The following CTNNA3 variants were observed in gnomAD, a reference collection of about 807,000 sequenced individuals.
The protein encoded by CTNNA3 is catenin alpha 3.
A neutral mutation model predicts 95.7 loss-of-function variants in CTNNA3; 76 were observed. The observed-to-expected ratio is 0.79, with a 90% CI of 0.66 to 0.96. The LOEUF (loss-of-function observed/expected upper bound fraction) is 0.96. Among genes scored for constraint, CTNNA3 ranks in the 40% least tolerant of loss-of-function variants. The pLI is 0.00. For missense variants in CTNNA3, 1,191 were observed against 1,089.8 expected (o/e 1.09, Z -1.31); for synonymous variants, 431 against 374.4 (o/e 1.15, Z -1.74).
At chr10:67,128,113 C>T (rs1353318221) in intron 7 of CTNNA3, among the ~76,000 whole-genome samples, 1 of 152,052 alleles carries the variant, frequency 6.6e-6, no homozygotes, top group Non-Finnish European at 1.5e-5. Context: ...TTATAAAATT[C>T]ACATTTAACC....
intron 5 of CTNNA3, among the ~76,000 whole-genome samples, chr10:67,225,455 C>G (rs906749040): frequency 2.0e-5 from 3 of 152,166 alleles, no homozygotes; most frequent in East Asian, 1.9e-4. Flanking sequence ...AGCTAAGAAC[C>G]CTCACGGAGT....
At chr10:65,955,133 T>G (rs548223352) in intron 17 of CTNNA3, among the ~76,000 whole-genome samples, 1 of 152,352 alleles carries the variant, frequency 6.6e-6, no homozygotes, top group East Asian at 1.9e-4. Context: ...CTAGGTATTT[T>G]ATTCTCTTTG....
chr10:66,195,786 T>A (rs556566626), intron 13 of CTNNA3, among the ~76,000 whole-genome samples: 136 of 152,342 alleles, frequency 8.9e-4, no homozygotes, highest in African/African-American at 3.1e-3. Flanking sequence ...GGGCACAAGT[T>A]CTATTTTTAT....
chr10:66,734,289 G>A (rs1206461983), intron 9 of CTNNA3, among the ~76,000 whole-genome samples: 2 of 151,504 alleles, frequency 1.3e-5, no homozygotes, highest in Non-Finnish European at 2.9e-5. Context: ...CTTTTAAGTT[G>A]TTTTTCTTCT....
chr10:66,504,053 T>A (rs1840367768), intron 11 of CTNNA3, among the ~76,000 whole-genome samples: 2 of 152,188 alleles, frequency 1.3e-5, no homozygotes, highest in African/African-American at 4.8e-5. Flanking sequence ...ATCATTTTTT[T>A]ATAGTGAGAA....
intron 5 of CTNNA3, among the ~76,000 whole-genome samples, chr10:67,329,202 G>A (rs894206650): frequency 6.6e-5 from 10 of 152,090 alleles, no homozygotes; most frequent in Non-Finnish European, 1.5e-4. Context: ...GAAAACCCAT[G>A]TGTACTAAAA....
chr10:65,944,808 A>G (rs1027522877), intron 17 of CTNNA3, among the ~76,000 whole-genome samples: 1 of 152,098 alleles, frequency 6.6e-6, no homozygotes, highest in Admixed American at 6.6e-5. Context: ...CACAAAAGAG[A>G]CCAAATAATG....
intron 9 of CTNNA3, among the ~76,000 whole-genome samples, chr10:66,709,697 A>T (rs375795867): frequency 1.3e-5 from 2 of 152,152 alleles, no homozygotes; most frequent in East Asian, 1.9e-4. Flanking sequence ...AAATGAGATC[A>T]ACTAGTATAT....
intron 12 of CTNNA3, among the ~76,000 whole-genome samples, chr10:66,281,295 T>C (rs1208175373): frequency 6.6e-6 from 1 of 151,966 alleles, no homozygotes; most frequent in Non-Finnish European, 1.5e-5. Context: ...GGCTTCAAAA[T>C]AGTTTCAAAT....
chr10:66,658,669 G>T (rs1282493668), intron 9 of CTNNA3, among the ~76,000 whole-genome samples: 2 of 152,130 alleles, frequency 1.3e-5, no homozygotes, highest in Non-Finnish European at 2.9e-5. Flanking sequence ...CTGATCATCT[G>T]CCTGCAGCCT....
intron 11 of CTNNA3, among the ~76,000 whole-genome samples, chr10:66,446,162 T>C (rs2131807866): frequency 6.6e-6 from 1 of 152,330 alleles, no homozygotes. Context: ...TAACAGGCTC[T>C]GAAACTGTGG....
chr10:67,459,221 C>T (rs1390976288), intron 5 of CTNNA3, among the ~76,000 whole-genome samples: 2 of 152,156 alleles, frequency 1.3e-5, no homozygotes, highest in East Asian at 3.9e-4. Context: ...AATCCTTTCC[C>T]CCAATTAGTA....
chr10:66,775,048 T>C (rs780306281), intron 8 of CTNNA3, among the ~76,000 whole-genome samples: 3 of 152,198 alleles, frequency 2.0e-5, no homozygotes, highest in Non-Finnish European at 2.9e-5. Context: ...ATACAATCAA[T>C]TGATCAACAT....
chr10:67,758,323 T>TATACACAC (rs71468879), intron 1 of CTNNA3, among the ~76,000 whole-genome samples: 3 of 143,416 alleles, frequency 2.1e-5, no homozygotes, highest in African/African-American at 7.7e-5. Flanking sequence ...TAAATATATA[T>TATACACAC]ACACACACAC....
intron 9 of CTNNA3, among the ~76,000 whole-genome samples, chr10:66,665,214 TACTTCAGCTC>T (rs11278287): frequency 0.65 from 99,061 of 151,558 alleles, 33,176 homozygotes; most frequent in East Asian, 0.95. Flanking sequence ...TAATGAAGCT[TACTTCAGCTC>T]ATTTCAGCTC....
intron 10 of CTNNA3, among the ~76,000 whole-genome samples, chr10:66,596,667 G>A (rs924440606): frequency 1.3e-5 from 2 of 152,070 alleles, no homozygotes; most frequent in African/African-American, 2.4e-5. Context: ...CTCCAACGGG[G>A]CTGACTGGTC....
intron 7 of CTNNA3, among the ~76,000 whole-genome samples, chr10:67,177,172 C>A (rs1390308181): frequency 6.6e-6 from 1 of 152,148 alleles, no homozygotes; most frequent in Non-Finnish European, 1.5e-5. Flanking sequence ...CCGTTATAGA[C>A]CCATCTCATC....
chr10:67,232,681 G>A (rs901535134), intron 5 of CTNNA3, among the ~76,000 whole-genome samples: 1 of 151,444 alleles, frequency 6.6e-6, no homozygotes, highest in African/African-American at 2.4e-5. Flanking sequence ...AAATGTAAAT[G>A]GACTAAATGC....
chr10:67,201,051 C>G (rs1037545022), intron 6 of CTNNA3, among the ~76,000 whole-genome samples: 2 of 152,120 alleles, frequency 1.3e-5, no homozygotes, highest in Non-Finnish European at 2.9e-5. Context: ...TCATCCATCA[C>G]CGGAGTTCCT....
Sources: allele counts gnomAD v4.1 joint callset (sites outside exome capture counted in the v4.1 genomes callset), GRCh38; gene constraint gnomAD v4.1.1; transcripts MANE v1.5; gene names NCBI Gene and HGNC (gene_info 2026-07-23, HGNC 2026-07-21).